Variants in CDK14 observed in about 807,000 individuals in gnomAD.
CDK14 encodes the protein cyclin dependent kinase 14, also known as cyclin-dependent kinase 14.
In CDK14, 34 loss-of-function variants were observed where a neutral mutation model predicts 60.7. That is an observed-to-expected ratio of 0.56 (90% CI 0.43 to 0.75). The LOEUF (loss-of-function observed/expected upper bound fraction) is 0.75. Ranked by LOEUF, CDK14 falls within the 30% of genes least tolerant of loss-of-function variation. The probability of loss-of-function intolerance (pLI) is 0.00; values close to 1 mark genes in which losing one functional copy is unlikely to be tolerated. For synonymous variants in CDK14, 197 were observed against 203.7 expected (o/e 0.97, Z 0.28); for missense variants, 482 against 564.1 (o/e 0.85, Z 1.47).
At chr7:90,990,804 C>A (rs1202050872) in intron 10 of CDK14, among the ~76,000 whole-genome samples, 1 of 152,108 alleles carries the variant, frequency 6.6e-6, no homozygotes, top group Non-Finnish European at 1.5e-5. Flanking sequence ...TCCAACATTT[C>A]TGTATTACTA....
chr7:90,795,510 A>T (rs1229469437), intron 5 of CDK14, among the ~76,000 whole-genome samples: 4 of 151,400 alleles, frequency 2.6e-5, no homozygotes, highest in Non-Finnish European at 5.9e-5. Context: ...GAAATTATGT[A>T]TGTGTATCTT....
intron 10 of CDK14, among the ~76,000 whole-genome samples, chr7:90,992,104 A>G (rs1306307164): frequency 6.6e-6 from 1 of 152,224 alleles, no homozygotes; most frequent in African/African-American, 2.4e-5. Context: ...AGAAAGTTCT[A>G]TGCTTCTAAG....
chr7:90,766,152 C>T (rs1436170240), intron 4 of CDK14, among the ~76,000 whole-genome samples: 1 of 151,370 alleles, frequency 6.6e-6, no homozygotes, highest in African/African-American at 2.4e-5. Flanking sequence ...TTCTTTGCTC[C>T]ATTTTCTTCA....
At chr7:91,132,672 T>C (rs772101750) in intron 14 of CDK14, among the ~76,000 whole-genome samples, 6 of 152,168 alleles carry the variant, frequency 3.9e-5, no homozygotes, top group Non-Finnish European at 8.8e-5. Flanking sequence ...CATTCACATT[T>C]ATGCCTAATT....
chr7:91,176,304 A>G (rs1801752488), intron 14 of CDK14, among the ~76,000 whole-genome samples: 1 of 152,254 alleles, frequency 6.6e-6, no homozygotes, highest in African/African-American at 2.4e-5. Context: ...GGACGCATTT[A>G]AAGTAGTGTG....
At chr7:91,189,248 A>G (rs1484757014) in intron 14 of CDK14, among the ~76,000 whole-genome samples, 1 of 152,212 alleles carries the variant, frequency 6.6e-6, no homozygotes, top group Middle Eastern at 3.2e-3. Flanking sequence ...CAGTAAGTCT[A>G]GCTTTTCATT....
chr7:90,911,425 A>G (rs1365509547), intron 7 of CDK14, among the ~76,000 whole-genome samples: 1 of 152,166 alleles, frequency 6.6e-6, no homozygotes, highest in Non-Finnish European at 1.5e-5. Flanking sequence ...TTTCTAAGAC[A>G]TTACTGCTGT....
chr7:90,813,887 C>T (rs752047363), intron 5 of CDK14, among the ~76,000 whole-genome samples: 2 of 152,086 alleles, frequency 1.3e-5, no homozygotes, highest in Non-Finnish European at 1.5e-5. Context: ...TTTATACTTA[C>T]GGGTGGTATA....
At chr7:90,875,325 G>C (rs1190367911) in intron 6 of CDK14, among the ~76,000 whole-genome samples, 2 of 152,134 alleles carry the variant, frequency 1.3e-5, no homozygotes, top group African/African-American at 4.8e-5. Context: ...GAACATTTGT[G>C]TACGTGCATT....
At chr7:90,993,105 A>C (rs1032581485) in intron 10 of CDK14, among the ~76,000 whole-genome samples, 1 of 152,182 alleles carries the variant, frequency 6.6e-6, no homozygotes, top group African/African-American at 2.4e-5. Context: ...TTTGAAAGTC[A>C]AAAGTAGAAG....
chr7:90,768,578 C>T (rs1447144193), intron 4 of CDK14, among the ~76,000 whole-genome samples: 1 of 152,190 alleles, frequency 6.6e-6, no homozygotes, highest in Non-Finnish European at 1.5e-5. Context: ...TGGAGCCATT[C>T]CATTATCTGA....
In CDK14 at chr7:91,065,138, T is replaced by G. The variant is rs956643367; in HGVS notation, c.1106-14294T>G. On this transcript the variant is annotated intron_variant, in intron 11 of 14. Transcript: ENST00000380050. The stretch of plus-strand genomic sequence containing the variant: ...ATTACTCATTTAGAAAAGCATGCTG[T>G]TAGTAATTGAAGGATGATTTCCTAT... Among the ~76,000 whole-genome samples, 3 of 152,172 alleles carry G rather than the reference T, an allele frequency of 2.0e-5. No individual in the cohort carries two copies. The South Asian group carries it at 6.2e-4, about 31-fold the overall frequency.
At position 91,195,775 on chromosome 7, in the gene CDK14, T is replaced by G. The variant is rs540038040; in HGVS notation, c.*29-11390T>G. Among the ~76,000 whole-genome samples the G allele has an allele frequency of 2.0e-3, 309 of 152,268 alleles. 3 individuals carry two copies. Among genetic ancestry groups the G allele is most frequent in the African/African-American group, 7.0e-3 (291 of 41,552 alleles). ...TGAAAACTGTATGACTGCCCTTGGG[T>G]TGGAACCTGGGACTCTCCACCCAAA... On this transcript the variant is annotated intron_variant, in intron 14 of 14. Transcript: ENST00000380050.
chr7:90,811,846 A>G (rs1201145264), intron 5 of CDK14, among the ~76,000 whole-genome samples: 15 of 152,280 alleles, frequency 9.9e-5, no homozygotes, highest in Admixed American at 3.3e-4. Flanking sequence ...CTTTTGTACA[A>G]CCAAAAGACA....
At chr7:91,097,097 C>T (rs1039111247) in intron 12 of CDK14, among the ~76,000 whole-genome samples, 4 of 151,988 alleles carry the variant, frequency 2.6e-5, no homozygotes, top group African/African-American at 7.3e-5. Context: ...AAAACATATT[C>T]GGGCCGGACA....
At chr7:90,713,533 G>A (rs1372759678) in intron 2 of CDK14, among the ~76,000 whole-genome samples, 1 of 151,642 alleles carries the variant, frequency 6.6e-6, no homozygotes, top group East Asian at 1.9e-4. Context: ...TCAAATGCAT[G>A]TTAAATTTGA....
At chr7:90,779,290 G>A (rs1427462979) in intron 4 of CDK14, among the ~76,000 whole-genome samples, 1 of 152,116 alleles carries the variant, frequency 6.6e-6, no homozygotes, top group Non-Finnish European at 1.5e-5. Flanking sequence ...TGCATGCTGT[G>A]TTGCCTAGGC....
chr7:91,005,888 C>T (rs763530737), intron 10 of CDK14, among the ~76,000 whole-genome samples: 1 of 152,190 alleles, frequency 6.6e-6, no homozygotes, highest in African/African-American at 2.4e-5. Context: ...TAGAACCAAA[C>T]CGGATTTTTC....
chr7:90,778,924 C>G (rs567231590), intron 4 of CDK14, among the ~76,000 whole-genome samples: 2 of 145,386 alleles, frequency 1.4e-5, no homozygotes, highest in South Asian at 4.3e-4. Context: ...TCTCTTTTCT[C>G]TCTTTCTTTT....
Sources: gnomAD v4.1 joint callset for allele counts (sites outside exome capture counted in the v4.1 genomes callset) on GRCh38, gnomAD v4.1.1 for gene constraint, MANE v1.5 for transcripts, NCBI Gene and HGNC (gene_info 2026-07-23, HGNC 2026-07-21) for gene names.